ZNF407: variants seen among roughly 807,000 people sequenced by gnomAD.
ZNF407 encodes zinc finger protein 407.
Under a neutral mutation model 131.2 loss-of-function variants are expected in ZNF407, and 17 were observed. The observed-to-expected ratio is 0.13, with a 90% confidence interval of 0.09 to 0.19. ZNF407 has a LOEUF of 0.19. Ranked by LOEUF, ZNF407 falls within the 10% of genes least tolerant of loss-of-function variation. The probability of loss-of-function intolerance (pLI) is 1.00; values close to 1 mark genes in which losing one functional copy is unlikely to be tolerated. For missense variants in ZNF407, 2,681 were observed against 2,830.6 expected (o/e 0.95, Z 1.20); for synonymous variants, 1,156 against 1,062.0 (o/e 1.09, Z -1.72).
At chr18:74,824,267 T>A (rs1159860706) in intron 4 of ZNF407, among the ~76,000 whole-genome samples, 1 of 152,158 alleles carries the variant, frequency 6.6e-6, no homozygotes, top group Admixed American at 6.5e-5. Context: ...GCAGGAAAGA[T>A]GTAAATTCCA....
At chr18:74,778,970 A>C (rs1029373810) in intron 3 of ZNF407, among the ~76,000 whole-genome samples, 2 of 151,220 alleles carry the variant, frequency 1.3e-5, no homozygotes, top group African/African-American at 4.9e-5. Context: ...AGTTATGTTA[A>C]AAATGTTAAA....
At chr18:74,720,799 G>A (rs1344500776) in intron 3 of ZNF407, among the ~76,000 whole-genome samples, 1 of 152,076 alleles carries the variant, frequency 6.6e-6, no homozygotes, top group Non-Finnish European at 1.5e-5. Context: ...CTGTACATAT[G>A]TGGATTAATT....
At chr18:74,967,661 C>T (rs997983970) in intron 8 of ZNF407, among the ~76,000 whole-genome samples, 1 of 152,228 alleles carries the variant, frequency 6.6e-6, no homozygotes, top group East Asian at 1.9e-4. Flanking sequence ...AACTAACTCT[C>T]ACCTAATTTA....
In ZNF407 at chr18:74,635,132, G is replaced by C; in HGVS notation, c.4113G>C (p.Leu1371Phe). The C allele has an allele frequency of 6.2e-7, 1 of 1,614,000 alleles. No individual in the cohort carries two copies. The highest frequency in any genetic ancestry group is 8.5e-7 in the Non-Finnish European group (1 of 1,179,884). The change falls in exon 2 of 9, where the codon TTG becomes TTC. Residue 1371 changes from leucine to phenylalanine, a missense_variant. Leu to Phe is a conservative substitution (Grantham distance 22). Transcript: ENST00000299687. The surrounding 1 kb of genome is among the most constrained non-coding windows in gnomAD (Gnocchi z 4.7). ...IRIKNPEDGE[L>F]IDQSEEGLIA... ...TAAAGAACCCTGAAGATGGTGAGTT[G>C]ATAGACCAGTCTGAAGAGGGCTTGA...
chr18:74,666,147 T>C (rs1000496914), intron 3 of ZNF407, among the ~76,000 whole-genome samples: 1 of 151,980 alleles, frequency 6.6e-6, no homozygotes, highest in Middle Eastern at 3.2e-3. Flanking sequence ...CGCAGAAGCA[T>C]AGGTTGGAGG....
intron 1 of ZNF407, among the ~76,000 whole-genome samples, chr18:74,601,094 C>T (rs1982557900): frequency 6.6e-6 from 1 of 152,130 alleles, no homozygotes; most frequent in Non-Finnish European, 1.5e-5. Context: ...GTGAGATGGA[C>T]AAGTCAAGGT....
chr18:74,659,090 T>C (rs1020707253), intron 3 of ZNF407, among the ~76,000 whole-genome samples: 6 of 152,306 alleles, frequency 3.9e-5, no homozygotes, highest in Middle Eastern at 6.8e-3. Context: ...TTTTTTGAAA[T>C]AGATGAACTA....
At chr18:75,010,240 A>C (rs566421835) in intron 8 of ZNF407, among the ~76,000 whole-genome samples, 1 of 152,306 alleles carries the variant, frequency 6.6e-6, no homozygotes, top group East Asian at 1.9e-4. Context: ...ATTTCATCTC[A>C]TGAGATTTGC....
chr18:74,918,718 T>A (rs1971806767), intron 7 of ZNF407, among the ~76,000 whole-genome samples: 1 of 152,126 alleles, frequency 6.6e-6, no homozygotes, highest in African/African-American at 2.4e-5. Flanking sequence ...TTTTATTTTT[T>A]AAAAAGGTGT....
At chr18:75,059,221 G>T (rs1013796284) in intron 8 of ZNF407, among the ~76,000 whole-genome samples, 2 of 152,220 alleles carry the variant, frequency 1.3e-5, no homozygotes, top group African/African-American at 4.8e-5. Context: ...TATCAGTGCT[G>T]CAAGGGATCC....
At chr18:74,812,805 T>C (rs1276106426) in intron 4 of ZNF407, among the ~76,000 whole-genome samples, 1 of 152,208 alleles carries the variant, frequency 6.6e-6, no homozygotes, top group Non-Finnish European at 1.5e-5. Context: ...TTTTATGATT[T>C]TTTTTAATGA....
intron 8 of ZNF407, among the ~76,000 whole-genome samples, chr18:74,997,823 C>T (rs1400460112): frequency 6.6e-6 from 1 of 152,184 alleles, no homozygotes; most frequent in Non-Finnish European, 1.5e-5. Flanking sequence ...ACCCAGCTGT[C>T]TAAAAACGAA....
At chr18:74,882,139 C>A (rs988968399) in intron 6 of ZNF407, among the ~76,000 whole-genome samples, 1 of 152,208 alleles carries the variant, frequency 6.6e-6, no homozygotes, top group African/African-American at 2.4e-5. Context: ...AAAACCATAT[C>A]AGGAACACTT....
At chr18:74,991,611 ATTC>A (rs1252176566) in intron 8 of ZNF407, among the ~76,000 whole-genome samples, 1 of 152,214 alleles carries the variant, frequency 6.6e-6, no homozygotes, top group African/African-American at 2.4e-5. Context: ...AAACATGGTT[ATTC>A]TTAACATTTC....
At chr18:74,890,833 G>A (rs1210408320) in intron 7 of ZNF407, among the ~76,000 whole-genome samples, 3 of 152,168 alleles carry the variant, frequency 2.0e-5, no homozygotes, top group East Asian at 1.9e-4. Context: ...CATCTCAGCC[G>A]TGGCGTAAAA....
chr18:74,956,229 T>C (rs975928253), intron 8 of ZNF407, among the ~76,000 whole-genome samples: 1 of 151,960 alleles, frequency 6.6e-6, no homozygotes, highest in Non-Finnish European at 1.5e-5. Context: ...ACATCCCCAC[T>C]TCCTCATCAC....
intron 8 of ZNF407, among the ~76,000 whole-genome samples, chr18:75,043,740 AGTT>A (rs1973400630): frequency 6.6e-6 from 1 of 152,210 alleles, no homozygotes. Flanking sequence ...AAATTTAACA[AGTT>A]GACCCTGTGG....
chr18:74,699,861 A>T (rs1044357344), intron 3 of ZNF407, among the ~76,000 whole-genome samples: 3 of 152,196 alleles, frequency 2.0e-5, no homozygotes, highest in Non-Finnish European at 4.4e-5. Context: ...TTATTGAAAA[A>T]CTAGAAATAA....
chr18:74,613,981 AAAC>A (rs1180346852), intron 1 of ZNF407, among the ~76,000 whole-genome samples: 1 of 152,246 alleles, frequency 6.6e-6, no homozygotes, highest in Non-Finnish European at 1.5e-5. Flanking sequence ...GACCTAGAAC[AAAC>A]AACAGACTTT....
Sources: allele counts gnomAD v4.1 joint callset (sites outside exome capture counted in the v4.1 genomes callset), GRCh38; gene constraint gnomAD v4.1.1; non-coding constraint Gnocchi (gnomAD v3.1); transcripts MANE v1.5; gene names NCBI Gene and HGNC (gene_info 2026-07-23, HGNC 2026-07-21).